Variants in RRM2 observed in about 807,000 individuals in gnomAD.
The protein encoded by RRM2 is ribonucleotide reductase regulatory subunit M2.
A neutral mutation model predicts 45.9 loss-of-function variants in RRM2; 6 were observed. That is an observed-to-expected ratio of 0.13 (90% CI 0.07 to 0.26). RRM2 has a LOEUF of 0.26. RRM2 is among the 10% of genes least tolerant of loss of function. The pLI, the probability that RRM2 is intolerant of heterozygous loss-of-function variation, is 1.00. For missense variants in RRM2, 343 were observed against 489.5 expected (o/e 0.70, Z 2.82); for synonymous variants, 177 against 173.0 (o/e 1.02, Z -0.18).
chr2:10,138,654 A>G (rs1020047835), upstream of RRM2, among the ~76,000 whole-genome samples: 1 of 152,148 alleles, frequency 6.6e-6, no homozygotes, highest in African/African-American at 2.4e-5. Flanking sequence ...CTCACTGCTT[A>G]TGAAACGGTT....
intron 3 of RRM2, chr2:10,142,418 A>G (rs370197025): frequency 2.9e-6 from 4 of 1,367,420 alleles, no homozygotes; most frequent in African/African-American, 1.5e-5. Flanking sequence ...AAGAGGGGCC[A>G]CTGTGGAGGT....
At chr2:10,148,143 C>CAAAAAAA (rs374826185) in intron 3 of RRM2, among the ~76,000 whole-genome samples, 84 of 119,544 alleles carry the variant, frequency 7.0e-4, no homozygotes, top group East Asian at 2.4e-3. Context: ...GACCCTGACT[C>CAAAAAAA]AAAAAAAAAA....
At chr2:10,184,240 C>A (rs1192440535) in intron 3 of RRM2, among the ~76,000 whole-genome samples, 1 of 152,206 alleles carries the variant, frequency 6.6e-6, no homozygotes, top group African/African-American at 2.4e-5. Flanking sequence ...TGGACCAGCA[C>A]CGGCCTGGTA....
chr2:10,200,363 CT>C (rs1664522007), intron 3 of RRM2, among the ~76,000 whole-genome samples: 1 of 152,078 alleles, frequency 6.6e-6, no homozygotes, highest in Non-Finnish European at 1.5e-5. Context: ...AGTGACATTC[CT>C]TTACTTACCT....
rs1304383652 is a variant in RRM2, at chr2:10,163,330, C to CG, written n.482+20962dup. Among the ~76,000 whole-genome samples, 89 of 18,764 alleles carry CG rather than the reference C, an allele frequency of 4.7e-3. 3 individuals carry two copies. The highest frequency in any genetic ancestry group is 0.056 in the Middle Eastern group (1 of 18). 12.3% of individuals were successfully genotyped at this position (18,764 alleles called of 152,430 possible). On this transcript the variant is annotated intron_variant and non_coding_transcript_variant, in intron 3 of 3. Coordinates refer to the RRM2 transcript ENST00000381786. ...CTGGGCAGAGTGGGGAAAAGACGGG[C>CG]GGGGGGGTGGGGGGGCATCTGTAGC...
At chr2:10,141,864 AC>A (rs1204634457) in exon 2 of RRM2, 4 of 1,560,474 alleles carry the variant, frequency 2.6e-6, no homozygotes, top group Non-Finnish European at 2.6e-6. Context: ...GTGCTGGGAG[AC>A]CGTGAAGTGC....
At chr2:10,208,893 C>A (rs954359695) in intron 3 of RRM2, among the ~76,000 whole-genome samples, 1 of 152,108 alleles carries the variant, frequency 6.6e-6, no homozygotes. Flanking sequence ...GATGCCCCGT[C>A]CCTGTGCCTG....
intron 5 of RRM2, among the ~76,000 whole-genome samples, chr2:10,126,162 TAAA>T (rs532815964): frequency 0.037 from 3,321 of 89,276 alleles, 324 homozygotes; most frequent in African/African-American, 0.14. Context: ...CTCATCTCTT[TAAA>T]AAAAAAAAAA....
At chr2:10,201,409 A>G (rs958718033) in intron 3 of RRM2, among the ~76,000 whole-genome samples, 2 of 152,210 alleles carry the variant, frequency 1.3e-5, no homozygotes, top group African/African-American at 4.8e-5. Flanking sequence ...GCAAAACATC[A>G]AAAAGATCAC....
chr2:10,171,148 G>T lies in RRM2; in HGVS notation n.482+28773G>T, dbSNP rs1362419339. Among the ~76,000 whole-genome samples, 1 of 152,240 alleles carries T rather than the reference G, an allele frequency of 6.6e-6. No individual in the cohort carries two copies. The highest frequency in any genetic ancestry group is 2.4e-5 in the African/African-American group (1 of 41,466). ...GGCCTGCACAGACCCCAGGCATCGA[G>T]CCTGCGATGGGGCAACGTGTGGTGT... is the stretch of plus-strand genomic sequence containing the variant. On this transcript the variant is annotated intron_variant and non_coding_transcript_variant, in intron 3 of 3. Coordinates refer to the RRM2 transcript ENST00000381786. This position sits in a 1 kb window ranked among gnomAD's most constrained non-coding sequence, Gnocchi z 4.1.
At chr2:10,199,779 CAAAAAAAAAAAAAAAA>C (rs796262395) in intron 3 of RRM2, among the ~76,000 whole-genome samples, 2 of 14,298 alleles carry the variant, frequency 1.4e-4, no homozygotes, top group African/African-American at 3.7e-4. Flanking sequence ...GACTCAGTCT[CAAAAAAAAAAAAAAAA>C]AAAAAAAAAA....
rs1477788117 is a variant in RRM2, at chr2:10,178,079, G to T, written n.483-32232G>T. On this transcript the variant is annotated intron_variant and non_coding_transcript_variant, in intron 3 of 3. Coordinates refer to the RRM2 transcript ENST00000381786. ...TGGGACTACAGGTGCCCACCAACAC[G>T]CCCGGCTAATTTTTTTTTTCGTATT... Among the ~76,000 whole-genome samples, 5 of 151,598 alleles carry T rather than the reference G, an allele frequency of 3.3e-5. No homozygotes were observed. The East Asian group carries it at 9.7e-4, about 29-fold the overall frequency.
chr2:10,136,859 TG>T (rs1662997015), upstream of RRM2, among the ~76,000 whole-genome samples: 1 of 151,986 alleles, frequency 6.6e-6, no homozygotes, highest in South Asian at 2.1e-4. Flanking sequence ...GCTTTTACTT[TG>T]GGGGTGAGGG....
intron 3 of RRM2, among the ~76,000 whole-genome samples, chr2:10,150,188 C>G (rs1419252931): frequency 6.6e-6 from 1 of 152,104 alleles, no homozygotes; most frequent in African/African-American, 2.4e-5. Context: ...TGGTGCAAGC[C>G]TGTAATCCCA....
At chr2:10,161,739 G>C (rs1411329223) in intron 3 of RRM2, among the ~76,000 whole-genome samples, 1 of 151,948 alleles carries the variant, frequency 6.6e-6, no homozygotes, top group Non-Finnish European at 1.5e-5. Flanking sequence ...GAACTCACAG[G>C]ACTCTAATTT....
intron 3 of RRM2, among the ~76,000 whole-genome samples, chr2:10,181,754 CTTT>C (rs869117515): frequency 3.5e-5 from 2 of 57,260 alleles, no homozygotes; most frequent in African/African-American, 1.2e-4. Flanking sequence ...CTCTCTCTCT[CTTT>C]TTTTTTTTTT....
intron 3 of RRM2, among the ~76,000 whole-genome samples, chr2:10,157,469 C>T (rs566267893): frequency 1.4e-4 from 22 of 152,298 alleles, no homozygotes; most frequent in Admixed American, 8.5e-4. Context: ...ATCATTAGCA[C>T]CCAGGAAACC....
At chr2:10,201,493 G>T (rs1024552116) in intron 3 of RRM2, among the ~76,000 whole-genome samples, 3 of 152,192 alleles carry the variant, frequency 2.0e-5, no homozygotes, top group African/African-American at 7.2e-5. Flanking sequence ...AGCTCTTCAA[G>T]AGTCCTGAAC....
rs1662688528 is a variant in RRM2, at chr2:10,122,819, G to T, written c.21G>T (p.Pro7=). 1.3e-6 allele frequency: 2 copies of T among 1,595,610 alleles called. No individual in the cohort carries two copies. Among genetic ancestry groups the T allele is most frequent in the Non-Finnish European group, 8.5e-7 (1 of 1,172,712 alleles). ...CCACTATGCTCTCCCTCCGTGTCCC[G>T]CTCGCGCCCATCACGGACCCGCAGC... MLSLRV[P]LAPITDPQQL... is the part of the protein sequence containing the mutation. The change falls in exon 1 of 10, where the codon CCG becomes CCT. Residue 7 remains proline (P), a synonymous_variant. Coordinates refer to ENST00000304567, the MANE Select transcript of RRM2 (RefSeq NM_001034.4).
Sources: allele counts gnomAD v4.1 joint callset (sites outside exome capture counted in the v4.1 genomes callset), GRCh38; gene constraint gnomAD v4.1.1; non-coding constraint Gnocchi (gnomAD v3.1); transcripts MANE v1.5; gene names NCBI Gene and HGNC (gene_info 2026-07-23, HGNC 2026-07-21).